ZNF573: variants seen among roughly 807,000 people sequenced by gnomAD.
ZNF573 encodes zinc finger protein 573.
A neutral mutation model predicts 57.4 loss-of-function variants in ZNF573; 41 were observed. That is an observed-to-expected ratio of 0.71 (90% CI 0.56 to 0.93). The LOEUF (loss-of-function observed/expected upper bound fraction) is 0.93. ZNF573 is among the 40% of genes least tolerant of loss of function. ZNF573 has a pLI of 0.00. For synonymous variants in ZNF573, 249 were observed against 261.0 expected (o/e 0.95, Z 0.44); for missense variants, 730 against 794.8 (o/e 0.92, Z 0.98).
rs555147045 is a variant in ZNF573, at chr19:37,779,585, T to C, written c.-64A>G. ...GCGAAAACGGAAGGGAAGCCATAGA[T>C]TGGGTGTTCCCGTTGCCCTCTGGGA... On this transcript the variant is annotated 5_prime_UTR_variant, in exon 1 of 5. Transcript: ENST00000536220. 6.6e-6 allele frequency: 1 copy of C among 152,362 alleles called. No homozygotes were observed. Among genetic ancestry groups the C allele is most frequent in the Admixed American group, 6.5e-5 (1 of 15,286 alleles). 9.4% of individuals were successfully genotyped at this position (152,362 alleles called of 1,614,324 possible). A position where few individuals can be genotyped will look rare whatever the true frequency, so the allele number is the denominator to read the frequency against.
At chr19:37,747,778 C>A (rs2145287312) in intron 4 of ZNF573, among the ~76,000 whole-genome samples, 1 of 152,120 alleles carries the variant, frequency 6.6e-6, no homozygotes, top group South Asian at 2.1e-4. Flanking sequence ...AACTCTGCCT[C>A]CCAGATTCAC....
rs368821224 is a variant in ZNF573, at chr19:37,739,111, T to A, written c.1379A>T (p.His460Leu). 291 of 1,613,728 alleles carry A rather than the reference T, an allele frequency of 1.8e-4. No homozygotes were observed. Among genetic ancestry groups the A allele is most frequent in the Non-Finnish European group, 2.4e-4 (286 of 1,179,942 alleles). ...TFTLYRNLTR[H>L]QNIHTGKKLF... ...TTTCTTACCAGTGTGAATATTCTGA[T>A]GTCGAGTAAGATTTCTATACAAAGT... The change falls in exon 5 of 5, where the codon CAT becomes CTT. Residue 460 changes from histidine to leucine, a missense_variant. Physicochemically the swap from His to Leu is moderately conservative, Grantham distance 99. Transcript: ENST00000536220.
chr19:37,770,371 G>T lies in ZNF573; in HGVS notation c.203-274C>A, dbSNP rs554145718. 4 of 309,370 alleles carry T rather than the reference G, an allele frequency of 1.3e-5. No homozygotes were observed. In the South Asian group the frequency reaches 1.7e-4, roughly 13 times the overall value. 19.2% of individuals were successfully genotyped at this position (309,370 alleles called of 1,614,324 possible). On this transcript the variant is annotated intron_variant, in intron 3 of 4. Coordinates refer to ENST00000536220, the MANE Select transcript of ZNF573 (RefSeq NM_001172690.2). The stretch of plus-strand genomic sequence containing the variant: ...CTGTGAAGTTCTCTGGAGCCAGAAG[G>T]CTGGGGCACAAATTATTCCTCTTAA...
chr19:37,762,751 T>C (rs2045564077), intron 4 of ZNF573, among the ~76,000 whole-genome samples: 1 of 151,926 alleles, frequency 6.6e-6, no homozygotes, highest in Non-Finnish European at 1.5e-5. Context: ...ACACCAGATA[T>C]TGTACCAACC....
chr19:37,754,158 G>A (rs1196015244), intron 4 of ZNF573, among the ~76,000 whole-genome samples: 1 of 152,196 alleles, frequency 6.6e-6, no homozygotes, highest in Admixed American at 6.5e-5. Flanking sequence ...AAACATCCAT[G>A]AATGTTGTGT....
At chr19:37,775,322 T>C (rs969098443) in intron 1 of ZNF573, among the ~76,000 whole-genome samples, 4 of 152,152 alleles carry the variant, frequency 2.6e-5, no homozygotes, top group African/African-American at 7.2e-5. Flanking sequence ...CTGGCCTAGT[T>C]TCACTTTTTA....
At position 37,750,331 on chromosome 19, in the gene ZNF573, G is replaced by A. The variant is rs147404040; in HGVS notation, c.296-10137C>T. 1.8e-3 allele frequency among the ~76,000 whole-genome samples: 277 copies of A among 152,190 alleles called. 1 individual carries two copies. Among genetic ancestry groups the A allele is most frequent in the African/African-American group, 6.4e-3 (264 of 41,522 alleles). On this transcript the variant is annotated intron_variant, in intron 4 of 4. Coordinates refer to ENST00000536220, the MANE Select transcript of ZNF573 (RefSeq NM_001172690.2). ...ACTCCTGACCGCAAGTGATCTGCCGGCCTAGGCCTCCCAAAGTGCTGGGAT... is the reference window on the plus strand; with the variant it reads ...ACTCCTGACCGCAAGTGATCTGCCGACCTAGGCCTCCCAAAGTGCTGGGAT...
chr19:37,743,815 G>C (rs1390532837), intron 4 of ZNF573, among the ~76,000 whole-genome samples: 1 of 152,180 alleles, frequency 6.6e-6, no homozygotes, highest in Non-Finnish European at 1.5e-5. Context: ...GCCATAAAAA[G>C]AAATGAGATC....
chr19:37,767,706 T>C (rs942788117), intron 4 of ZNF573, among the ~76,000 whole-genome samples: 2 of 152,192 alleles, frequency 1.3e-5, no homozygotes, highest in African/African-American at 4.8e-5. Context: ...TTGACCCCTC[T>C]ACTTATTTAG....
In ZNF573 at chr19:37,771,563, C is replaced by A. The variant is rs1175258327; in HGVS notation, c.202+1G>T. ...AAATTACTTGAGGCAAATAAACTTA[C>A]CCAGTGATACCAGGTTTCTATAGTT... On this transcript the variant is annotated splice_donor_variant, in intron 3 of 4. Coordinates refer to ENST00000536220, the MANE Select transcript of ZNF573 (RefSeq NM_001172690.2). LOFTEE classifies it high-confidence loss of function. The A allele has an allele frequency of 1.9e-6, 3 of 1,609,462 alleles. No individual in the cohort carries two copies. Among genetic ancestry groups the A allele is most frequent in the Non-Finnish European group, 2.5e-6 (3 of 1,178,032 alleles).
chr19:37,773,686 G>A lies in ZNF573; in HGVS notation c.44C>T (p.Ser15Phe). ...LEPHQVGLIR[S>F]YNSKTMTCFQ... ...ACAGGTCATGGTTTTAGAATTGTAA[G>A]ACCTGATCAGTCCTACTTGGTGGGG... is the stretch of plus-strand genomic sequence containing the variant. Residue 15 changes from serine to phenylalanine, a missense_variant, in exon 2 of 5, where the codon TCT becomes TTT. Physicochemically the swap from Ser to Phe is radical, Grantham distance 155. Coordinates refer to ENST00000536220, the MANE Select transcript of ZNF573 (RefSeq NM_001172690.2). 2 of 1,535,780 alleles carry A rather than the reference G, an allele frequency of 1.3e-6. No homozygotes were observed. The highest frequency in any genetic ancestry group is 1.2e-5 in the South Asian group (1 of 84,026).
intron 1 of ZNF573, among the ~76,000 whole-genome samples, chr19:37,778,024 CA>C (rs34141847): frequency 1.3e-3 from 74 of 56,114 alleles, no homozygotes; most frequent in East Asian, 2.7e-3. Context: ...GACTCTGTCT[CA>C]AAAAAAAAAA....
chr19:37,742,997 G>C (rs1218391345), intron 4 of ZNF573, among the ~76,000 whole-genome samples: 1 of 152,150 alleles, frequency 6.6e-6, no homozygotes, highest in Non-Finnish European at 1.5e-5. Flanking sequence ...ACATCAAAAA[G>C]TGGGCAAGGG....
At position 37,770,025 on chromosome 19, in the gene ZNF573, C is replaced by A. The variant is rs750040203; in HGVS notation, c.275G>T (p.Arg92Met). 6.4e-7 allele frequency: 1 copy of A among 1,551,890 alleles called. No homozygotes were observed. The change falls in exon 4 of 5, where the codon AGG becomes ATG. Residue 92 changes from arginine (R) to methionine (M), a missense_variant. By Grantham distance (91) the Arg-to-Met change is moderately conservative. Transcript: ENST00000536220. ...CTTACCTGTGAACTGTGTTTCTTCC[C>A]TCAAAATCATCCAGGGCTCTTTTCC... ...ERGKEPWMIL[R>M]EETQFTDLDL...
rs1342434932 is a variant in ZNF573, at chr19:37,770,005, C to CT, written c.294dup (p.Asp99ArgfsTer7). 6.4e-7 allele frequency: 1 copy of CT among 1,551,456 alleles called. No homozygotes were observed. On this transcript the variant is annotated frameshift_variant and splice_region_variant, in exon 4 of 5. Transcript: ENST00000536220. LOFTEE classifies it high-confidence loss of function. ...TGATGGTGTCCCCTGCCTTCCTTAC[C>CT]TGTGAACTGTGTTTCTTCCCTCAAA...
At chr19:37,757,433 G>A (rs1010956280) in intron 4 of ZNF573, among the ~76,000 whole-genome samples, 3 of 152,012 alleles carry the variant, frequency 2.0e-5, no homozygotes, top group African/African-American at 4.8e-5. Context: ...TCCCGACCTC[G>A]TGATCTGCCT....
Position 37,739,210 on chromosome 19 carries a change from C to T in ZNF573, c.1280G>A (p.Gly427Asp). The change falls in exon 5 of 5, where the codon GGC becomes GAC. Residue 427 changes from glycine (G) to aspartate (D), a missense_variant. Coordinates refer to ENST00000536220, the MANE Select transcript of ZNF573 (RefSeq NM_001172690.2). ...KECGKAFSLY[G>D]YLKQHQKIHT... is the part of the protein sequence containing the mutation. ...AATTTTCTGATGTTGTTTAAGGTAG[C>T]CATACAAGCTAAAGGCCTTTCCGCA... is the stretch of plus-strand genomic sequence containing the variant. 6.2e-7 allele frequency: 1 copy of T among 1,612,994 alleles called. No individual in the cohort carries two copies. The highest frequency in any genetic ancestry group is 1.1e-5 in the South Asian group (1 of 90,880).
At chr19:37,752,098 C>G (rs1024358589) in intron 4 of ZNF573, among the ~76,000 whole-genome samples, 1 of 151,712 alleles carries the variant, frequency 6.6e-6, no homozygotes, top group Non-Finnish European at 1.5e-5. Context: ...CATACACTTA[C>G]ATATATCTCA....
chr19:37,756,279 A>AT (rs2045486970), intron 4 of ZNF573, among the ~76,000 whole-genome samples: 1 of 152,232 alleles, frequency 6.6e-6, no homozygotes, highest in South Asian at 2.1e-4. Context: ...TTGAAGGGAA[A>AT]TTCTGCCATC....
Sources: allele counts gnomAD v4.1 joint callset (sites outside exome capture counted in the v4.1 genomes callset), GRCh38; gene constraint gnomAD v4.1.1; transcripts MANE v1.5; gene names NCBI Gene and HGNC (gene_info 2026-07-23, HGNC 2026-07-21).